The following KIF13A variants were observed in gnomAD, a reference collection of about 807,000 sequenced individuals.
KIF13A encodes the protein kinesin-like protein KIF13A.
KIF13A carries 79 observed loss-of-function variants against 212.2 expected under a neutral mutation model. That is an observed-to-expected ratio of 0.37 (90% CI 0.31 to 0.45). The LOEUF (loss-of-function observed/expected upper bound fraction) is 0.45, where lower values mean the gene tolerates loss of function less well. Ranked by LOEUF, KIF13A falls within the 20% of genes least tolerant of loss-of-function variation. KIF13A has a pLI of 1.00. For missense variants in KIF13A, 1,901 were observed against 2,209.0 expected, an observed-to-expected ratio of 0.86 and a Z score of 2.79; for synonymous variants, 789 against 808.6, an observed-to-expected ratio of 0.98 and a Z score of 0.41.
chr6:17,952,848 C>T (rs987779066), intron 2 of KIF13A, among the ~76,000 whole-genome samples: 53 of 151,000 alleles, frequency 3.5e-4, no homozygotes, highest in African/African-American at 1.1e-3. Flanking sequence ...GAGAGTGGCG[C>T]GAACCCGGGA....
chr6:17,776,749 T>A lies in KIF13A; in HGVS notation c.4170+528A>T, dbSNP rs1760017307. On this transcript the variant is annotated intron_variant, in intron 34 of 38. Transcript: ENST00000259711. The surrounding 1 kb of genome is among the most constrained non-coding windows in gnomAD (Gnocchi z 4.6). ...TCCATGCACTAATCTGTCCTATCCC[T>A]CTGTGACAGTGTCCCCCCTGCTAGG... Among the ~76,000 whole-genome samples the A allele has an allele frequency of 6.6e-6, 1 of 152,210 alleles. No individual in the cohort carries two copies. The highest frequency in any genetic ancestry group is 6.5e-5 in the Admixed American group (1 of 15,280).
At chr6:17,830,974 C>G in intron 13 of KIF13A, 127 bp downstream of exon 13, 1 of 769,920 alleles carries the variant, frequency 1.3e-6, no homozygotes, top group South Asian at 1.9e-5. Flanking sequence ...AGGGCACTAT[C>G]CATCTTAGTT....
chr6:17,962,054 T>G (rs577394487), intron 2 of KIF13A, among the ~76,000 whole-genome samples: 9 of 152,226 alleles, frequency 5.9e-5, no homozygotes, highest in African/African-American at 1.7e-4. Flanking sequence ...AGGCTGGGTG[T>G]GGTGGTTCAT....
At chr6:17,976,756 C>A (rs1281215286) in intron 2 of KIF13A, among the ~76,000 whole-genome samples, 2 of 150,806 alleles carry the variant, frequency 1.3e-5, no homozygotes, top group Non-Finnish European at 3.0e-5. Context: ...CTCTCAAAAT[C>A]ACGCCACCGC....
Position 17,764,524 on chromosome 6 carries a change from T to G in KIF13A, c.5004A>C (p.Pro1668=), listed in dbSNP as rs2296197. ...TGGCTAAGGCACTGTTTTCCTTGAG[T>G]GGCACCACAATTATCTTGTCCTTTA... ...GLVKDKIIVV[P]LKENSALAKG... is the part of the protein sequence containing the mutation. Residue 1668 remains proline, a synonymous_variant, in exon 39 of 39, where the codon CCA becomes CCC. Transcript: ENST00000259711. This position sits in a 1 kb window ranked among gnomAD's most constrained non-coding sequence, Gnocchi z 5.1. The G allele has an allele frequency of 1.1e-5, 18 of 1,613,884 alleles. No individual in the cohort carries two copies. The East Asian group carries it at 3.8e-4, about 34-fold the overall frequency.
intron 12 of KIF13A, among the ~76,000 whole-genome samples, chr6:17,832,657 A>AAAAAT (rs1034591449): frequency 2.0e-5 from 3 of 151,524 alleles, no homozygotes; most frequent in Non-Finnish European, 4.4e-5. Context: ...TTAAATAAAT[A>AAAAAT]AAAATAAAAT....
intron 30 of KIF13A, 132 bp downstream of exon 30, chr6:17,781,045 C>T: frequency 7.3e-7 from 1 of 1,375,202 alleles, no homozygotes; most frequent in Admixed American, 2.0e-5. Context: ...TTTTAAACAG[C>T]AACACAAATG....
At chr6:17,864,435 T>C (rs1405976469) in intron 4 of KIF13A, among the ~76,000 whole-genome samples, 3 of 152,196 alleles carry the variant, frequency 2.0e-5, no homozygotes, top group Non-Finnish European at 4.4e-5. Context: ...ATGGAATTTC[T>C]ACAAGCAAAG....
At chr6:17,801,419 T>C (rs2150334143) in intron 20 of KIF13A, among the ~76,000 whole-genome samples, 1 of 152,266 alleles carries the variant, frequency 6.6e-6, no homozygotes, top group East Asian at 1.9e-4. Context: ...GCAGGACTGC[T>C]TGAACCCGCG....
intron 34 of KIF13A, among the ~76,000 whole-genome samples, chr6:17,775,352 T>TA: frequency 6.6e-6 from 1 of 152,234 alleles, no homozygotes. Flanking sequence ...TTCAATAGTC[T>TA]AGTCAAGTAT....
At chr6:17,860,725 CAA>C (rs60412097) in intron 4 of KIF13A, among the ~76,000 whole-genome samples, 17 of 108,568 alleles carry the variant, frequency 1.6e-4, no homozygotes, top group African/African-American at 3.0e-4. Context: ...GACTCTGTCT[CAA>C]AAAAAAAAAA....
intron 2 of KIF13A, among the ~76,000 whole-genome samples, chr6:17,969,101 T>C (rs1779575294): frequency 6.6e-6 from 1 of 152,222 alleles, no homozygotes; most frequent in Non-Finnish European, 1.5e-5. Flanking sequence ...ACTTACTATG[T>C]ACAAGGCATG....
chr6:17,945,681 C>G (rs900223168), intron 2 of KIF13A, among the ~76,000 whole-genome samples: 4 of 152,154 alleles, frequency 2.6e-5, no homozygotes, highest in Admixed American at 6.5e-5. Flanking sequence ...GATGCCAATT[C>G]TTTTCACATT....
chr6:17,949,918 T>C lies in KIF13A; in HGVS notation c.146+37136A>G, dbSNP rs1371614934. On this transcript the variant is annotated intron_variant, in intron 2 of 38. Coordinates refer to ENST00000259711, the MANE Select transcript of KIF13A (RefSeq NM_022113.6). ...ATAATTATAATGATTTTCACATTCA[T>C]AAAACACACTGATTAACTAACATAT... Among the ~76,000 whole-genome samples the C allele has an allele frequency of 2.6e-5, 4 of 152,144 alleles. No individual in the cohort carries two copies. In the South Asian group the frequency reaches 8.3e-4, roughly 31 times the overall value.
At chr6:17,840,797 G>A (rs1562042123) in intron 9 of KIF13A, among the ~76,000 whole-genome samples, 1 of 152,192 alleles carries the variant, frequency 6.6e-6, no homozygotes, top group Non-Finnish European at 1.5e-5. Context: ...CTGACTGAAG[G>A]ATGCCAGAAT....
rs1296250614 is a variant in KIF13A, at chr6:17,763,796, A to G, written c.*314T>C. On this transcript the variant is annotated 3_prime_UTR_variant, in exon 39 of 39. Coordinates refer to ENST00000259711, the MANE Select transcript of KIF13A (RefSeq NM_022113.6). ...AATCACAGATTTGATGAAATATGGTAGATGCTACCAGAACACTTTGGGAAA... is the reference window on the plus strand; with the variant it reads ...AATCACAGATTTGATGAAATATGGTGGATGCTACCAGAACACTTTGGGAAA... The G allele has an allele frequency of 9.0e-6, 10 of 1,114,588 alleles. No individual in the cohort carries two copies. Among genetic ancestry groups the G allele is most frequent in the African/African-American group, 1.6e-5 (1 of 61,922 alleles). The allele number at this position is 1,114,588 out of a possible 1,614,324, so 69.0% of individuals were successfully genotyped here.
chr6:17,935,646 T>C lies in KIF13A; in HGVS notation c.147-37466A>G, dbSNP rs531514708. Among the ~76,000 whole-genome samples, 5 of 152,260 alleles carry C rather than the reference T, an allele frequency of 3.3e-5. No homozygotes were observed. In the South Asian group the frequency reaches 1.0e-3, roughly 32 times the overall value. Reference sequence around the variant, plus strand: ...TTTAAATTCTCTCATAAAATGTAGCTCTCTCTCCGTAACTGAAAAGGAGGA... The same window carrying C: ...TTTAAATTCTCTCATAAAATGTAGCCCTCTCTCCGTAACTGAAAAGGAGGA... On this transcript the variant is annotated intron_variant, in intron 2 of 38. Transcript: ENST00000259711.
rs1288478475 is a variant in KIF13A at position 17,794,863 on chromosome 6, T to C, written c.2943-159A>G. 1.7e-5 allele frequency: 11 copies of C among 644,398 alleles called. No individual in the cohort carries two copies. Among genetic ancestry groups the C allele is most frequent in the Non-Finnish European group, 2.8e-5 (11 of 394,434 alleles). 39.9% of individuals were successfully genotyped at this position (644,398 alleles called of 1,614,324 possible). A position where few individuals can be genotyped will look rare whatever the true frequency, so the allele number is the denominator to read the frequency against. On this transcript the variant is annotated intron_variant, in intron 23 of 38. Coordinates refer to ENST00000259711, the MANE Select transcript of KIF13A (RefSeq NM_022113.6). The surrounding 1 kb of genome is among the most constrained non-coding windows in gnomAD (Gnocchi z 4.1). The stretch of plus-strand genomic sequence containing the variant: ...TTATTTAACTCTCAAAACCAACCTG[T>C]CATATTGTTTCTTTTTATTTATTTT...
At chr6:17,908,026 G>A (rs967920216) in intron 2 of KIF13A, among the ~76,000 whole-genome samples, 16 of 152,278 alleles carry the variant, frequency 1.1e-4, no homozygotes, top group African/African-American at 3.4e-4. Flanking sequence ...CCCTCACCGT[G>A]TGTAAGTTAA....
Sources: gnomAD v4.1 joint callset for allele counts (sites outside exome capture counted in the v4.1 genomes callset) on GRCh38, gnomAD v4.1.1 for gene constraint, Gnocchi (gnomAD v3.1) non-coding constraint, MANE v1.5 for transcripts, NCBI Gene and HGNC (gene_info 2026-07-23, HGNC 2026-07-21) for gene names.